Variants in FLI1 observed in about 807,000 individuals in gnomAD.
FLI1 encodes the protein Fli-1 proto-oncogene, ETS transcription factor.
In FLI1, 13 loss-of-function variants were observed where a neutral mutation model predicts 53.1. That is an observed-to-expected ratio of 0.24 (90% confidence interval 0.16 to 0.39). The LOEUF (loss-of-function observed/expected upper bound fraction) is 0.39. FLI1 is among the 10% of genes least tolerant of loss of function. FLI1 has a pLI of 1.00. For missense variants in FLI1, 424 were observed against 600.5 expected (o/e 0.71, Z 3.07); for synonymous variants, 244 against 236.7 (o/e 1.03, Z -0.28).
At chr11:128,764,713 C>G in intron 2 of FLI1, 1 of 1,555,324 alleles carries the variant, frequency 6.4e-7, no homozygotes, top group Non-Finnish European at 8.6e-7. Context: ...CCACCCTGAG[C>G]GGCAGCCGTG....
upstream of FLI1, chr11:128,686,506 C>G (rs756042044): frequency 1.1e-5 from 5 of 456,534 alleles, no homozygotes; most frequent in South Asian, 7.7e-5. Context: ...CCTCGCCGGA[C>G]TAGGCGGATC....
At position 128,694,134 on chromosome 11, in the gene FLI1, G is replaced by A; in HGVS notation, c.-125G>A. ...GAGTGAGGGCAGGGCGCTCGCAGGG[G>A]GCACGCAGGGAGGGCCCAGGGCGCC... On this transcript the variant is annotated 5_prime_UTR_variant, in exon 1 of 9. Coordinates refer to ENST00000527786, the MANE Select transcript of FLI1 (RefSeq NM_002017.5). 9.9e-7 allele frequency: 1 copy of A among 1,009,494 alleles called. No homozygotes were observed. 62.5% of individuals were successfully genotyped at this position (1,009,494 alleles called of 1,614,324 possible).
At chr11:128,737,095 C>T (rs921498351) in intron 1 of FLI1, among the ~76,000 whole-genome samples, 5 of 152,196 alleles carry the variant, frequency 3.3e-5, no homozygotes, top group Admixed American at 2.6e-4. Flanking sequence ...GTAGATCTAA[C>T]TCAAGTGGAT....
At chr11:128,738,254 C>G (rs1031112455) in intron 1 of FLI1, among the ~76,000 whole-genome samples, 1 of 152,132 alleles carries the variant, frequency 6.6e-6, no homozygotes, top group Non-Finnish European at 1.5e-5. Flanking sequence ...AACCCTGGAC[C>G]TCTGGCTCCA....
intron 1 of FLI1, among the ~76,000 whole-genome samples, chr11:128,698,242 G>A (rs1222673329): frequency 6.6e-6 from 1 of 152,198 alleles, no homozygotes; most frequent in African/African-American, 2.4e-5. Context: ...TCAAGAAGGT[G>A]TTGCTGCCTC....
rs11221451 is a variant in FLI1, at chr11:128,734,808, C to T, written c.19-23307C>T. ...CTAATGAGCCCACTGAAAGTTCAAA[C>T]GGTAAATAACGAACAGATAAAGATC... On this transcript the variant is annotated intron_variant, in intron 1 of 8. Transcript: ENST00000527786. Among the ~76,000 whole-genome samples, 911 of 152,268 alleles carry T rather than the reference C, an allele frequency of 6.0e-3. 12 individuals are homozygous for T. The highest frequency in any genetic ancestry group is 0.021 in the African/African-American group (875 of 41,548).
At chr11:128,697,593 G>C in intron 1 of FLI1, among the ~76,000 whole-genome samples, 1 of 152,244 alleles carries the variant, frequency 6.6e-6, no homozygotes, top group South Asian at 2.1e-4. Context: ...TAGAAAATGG[G>C]GCCAAAGCAC....
rs376782867 is a variant in FLI1 at position 128,768,235 on chromosome 11, C to T, written c.348C>T (p.Asn116=). 1.6e-5 allele frequency: 26 copies of T among 1,613,842 alleles called. No individual in the cohort carries two copies. The highest frequency in any genetic ancestry group is 2.2e-5 in the East Asian group (1 of 44,894). ...MDEKNGPPPP[N]MTTNERRVIV... ...AGAAGAATGGCCCCCCTCCTCCCAACATGACCACCAACGAGAGGAGAGTCA... is the reference window on the plus strand; with the variant it reads ...AGAAGAATGGCCCCCCTCCTCCCAATATGACCACCAACGAGAGGAGAGTCA... Residue 116 remains asparagine, a synonymous_variant, in exon 3 of 9, where the codon AAC becomes AAT. Coordinates refer to ENST00000527786, the MANE Select transcript of FLI1 (RefSeq NM_002017.5).
chr11:128,739,722 T>C (rs1044350554), intron 1 of FLI1, among the ~76,000 whole-genome samples: 33 of 151,864 alleles, frequency 2.2e-4, no homozygotes, highest in Non-Finnish European at 3.7e-4. Flanking sequence ...AAAACTCTAT[T>C]TTACTTCGAA....
At chr11:128,788,537 G>A (rs1368224073) in intron 5 of FLI1, among the ~76,000 whole-genome samples, 1 of 152,010 alleles carries the variant, frequency 6.6e-6, no homozygotes, top group Non-Finnish European at 1.5e-5. Flanking sequence ...ATATAAAACT[G>A]CATGTAATCG....
chr11:128,781,928 G>T (rs1452299407), intron 4 of FLI1, 30 bp from the exon 5 acceptor site: 1 of 1,586,890 alleles, frequency 6.3e-7, no homozygotes, highest in Non-Finnish European at 8.7e-7. Context: ...GAACATTTTG[G>T]TTATAACCTG....
In FLI1 at chr11:128,810,963, C is replaced by T. The variant is rs772473111; in HGVS notation, c.1334C>T (p.Pro445Leu). Residue 445 changes from proline to leucine, a missense_variant, in exon 9 of 9, where the codon CCT becomes CTT. Pro to Leu is a moderately conservative substitution (Grantham distance 98). Transcript: ENST00000527786. The surrounding 1 kb of genome is among the most constrained non-coding windows in gnomAD (Gnocchi z 6.6). ...CCCCGCCATCCTAACACCCACGTGC[C>T]TTCACACTTAGGCAGCTACTACTAG... is the stretch of plus-strand genomic sequence containing the variant. ...NVPRHPNTHV[P>L]SHLGSYY is the part of the protein sequence containing the mutation. The T allele has an allele frequency of 6.2e-7, 1 of 1,614,034 alleles. No homozygotes were observed. Among genetic ancestry groups the T allele is most frequent in the Non-Finnish European group, 8.5e-7 (1 of 1,179,898 alleles).
intron 5 of FLI1, among the ~76,000 whole-genome samples, chr11:128,797,083 A>G (rs951635521): frequency 4.6e-5 from 7 of 152,396 alleles, no homozygotes; most frequent in African/African-American, 1.4e-4. Flanking sequence ...CCTGCAAAGC[A>G]TTTCAGACAT....
chr11:128,808,472 T>G (rs1464514800), intron 7 of FLI1, among the ~76,000 whole-genome samples: 4 of 152,106 alleles, frequency 2.6e-5, no homozygotes, highest in Non-Finnish European at 5.9e-5. Flanking sequence ...TTGAGGAAAG[T>G]GAGATTTTAA....
intron 1 of FLI1, among the ~76,000 whole-genome samples, chr11:128,734,711 C>T (rs551912225): frequency 6.6e-6 from 1 of 152,234 alleles, no homozygotes; most frequent in African/African-American, 2.4e-5. Flanking sequence ...GGGAAGTGTG[C>T]AGTTTTAAAA....
chr11:128,754,918 C>A (rs909709622), intron 1 of FLI1, among the ~76,000 whole-genome samples: 2 of 152,224 alleles, frequency 1.3e-5, no homozygotes, highest in Non-Finnish European at 2.9e-5. Context: ...CTTAAGGAAA[C>A]TTCTATTCCA....
rs969905744 is a variant in FLI1 at position 128,784,780 on chromosome 11, G to T, written c.655+2757G>T. Reference sequence around the variant, plus strand: ...TCTATTAGCTATTAGAAGACATCAGGCAACCTTGGCTCCATCTTCTTTGAA... The same window carrying T: ...TCTATTAGCTATTAGAAGACATCAGTCAACCTTGGCTCCATCTTCTTTGAA... On this transcript the variant is annotated intron_variant, in intron 5 of 8. Transcript: ENST00000527786. Among the ~76,000 whole-genome samples the T allele has an allele frequency of 2.0e-5, 3 of 152,156 alleles. No individual in the cohort carries two copies. The East Asian group carries it at 5.8e-4, about 29-fold the overall frequency.
intron 1 of FLI1, among the ~76,000 whole-genome samples, chr11:128,746,293 T>C (rs1391465671): frequency 6.6e-6 from 1 of 152,116 alleles, no homozygotes; most frequent in Non-Finnish European, 1.5e-5. Flanking sequence ...CTAACTAGAA[T>C]TTGTCCTCGA....
chr11:128,785,008 CTT>C lies in FLI1; in HGVS notation c.655+2987_655+2988del, dbSNP rs1942041614. On this transcript the variant is annotated intron_variant, in intron 5 of 8. Coordinates refer to ENST00000527786, the MANE Select transcript of FLI1 (RefSeq NM_002017.5). ...CTTATCAAATTAGAATGGCTTTTTG[CTT>C]TAAAATTGTATAATCACCCTTCCAG... Among the ~76,000 whole-genome samples, 4 of 152,302 alleles carry C rather than the reference CTT, an allele frequency of 2.6e-5. No homozygotes were observed. The South Asian group carries it at 8.3e-4, about 32-fold the overall frequency.
Sources: allele counts gnomAD v4.1 joint callset (sites outside exome capture counted in the v4.1 genomes callset), GRCh38; gene constraint gnomAD v4.1.1; non-coding constraint Gnocchi (gnomAD v3.1); transcripts MANE v1.5; gene names NCBI Gene and HGNC (gene_info 2026-07-23, HGNC 2026-07-21).